Variants in PTPN5 observed in about 807,000 individuals in gnomAD.
The protein encoded by PTPN5 is protein tyrosine phosphatase non-receptor type 5.
Under a neutral mutation model 73.9 loss-of-function variants are expected in PTPN5, and 29 were observed. The ratio of observed to expected loss-of-function variants is 0.39; its 90% confidence interval spans 0.29 to 0.54. The LOEUF (loss-of-function observed/expected upper bound fraction) is 0.54. Ranked by LOEUF, PTPN5 falls within the 20% of genes least tolerant of loss-of-function variation. The pLI is 0.65. For synonymous variants in PTPN5, 267 were observed against 304.7 expected (o/e 0.88, Z 1.29); for missense variants, 652 against 751.4 (o/e 0.87, Z 1.55).
intron 3 of PTPN5, among the ~76,000 whole-genome samples, chr11:18,756,849 G>A (rs1361825177): frequency 3.3e-5 from 5 of 151,438 alleles, no homozygotes; most frequent in African/African-American, 4.8e-5. Flanking sequence ...GCTTAAACCC[G>A]GGAGGTGGAG....
rs1358725860 is a variant in PTPN5, at chr11:18,735,034, C to T, written c.1001-1399G>A. Among the ~76,000 whole-genome samples, 8 of 152,284 alleles carry T rather than the reference C, an allele frequency of 5.3e-5. No homozygotes were observed. In the East Asian group the frequency reaches 1.5e-3, roughly 29 times the overall value. ...ATCTGTAATCTGGGGATGGTCATTC[C>T]ACAATGACCTTGCTTATCTTGTAAA... On this transcript the variant is annotated intron_variant, in intron 9 of 14. Coordinates refer to ENST00000358540, the MANE Select transcript of PTPN5 (RefSeq NM_006906.2).
At chr11:18,780,686 A>G (rs185709615) in intron 1 of PTPN5, among the ~76,000 whole-genome samples, 72 of 152,260 alleles carry the variant, frequency 4.7e-4, no homozygotes, top group African/African-American at 1.7e-3. Context: ...GTAATGAGCC[A>G]CACCCTGTCC....
rs745568492 is a variant in PTPN5, at chr11:18,733,189, A to T, written c.1218+46T>A. 6.3e-7 allele frequency: 1 copy of T among 1,590,284 alleles called. No individual in the cohort carries two copies. The highest frequency in any genetic ancestry group is 8.6e-7 in the Non-Finnish European group (1 of 1,162,008). On this transcript the variant is annotated intron_variant, in intron 11 of 14. Transcript: ENST00000358540. This position sits in a 1 kb window ranked among gnomAD's most constrained non-coding sequence, Gnocchi z 4.3. ...AATTTGAGAACAAGATACTTAGTGT[A>T]GGGCGCAATGTAGCAGACACTTAGA... is the stretch of plus-strand genomic sequence containing the variant.
At chr11:18,767,031 C>G (rs1850674734) in intron 2 of PTPN5, among the ~76,000 whole-genome samples, 1 of 152,128 alleles carries the variant, frequency 6.6e-6, no homozygotes, top group African/African-American at 2.4e-5. Flanking sequence ...ATAAGATGGC[C>G]GTGGATCCTT....
intron 9 of PTPN5, among the ~76,000 whole-genome samples, chr11:18,737,247 C>G (rs962341944): frequency 3.5e-4 from 53 of 152,302 alleles, no homozygotes; most frequent in African/African-American, 1.2e-3. Context: ...ATCAGGTCAC[C>G]TGGTCTAACT....
At chr11:18,738,741 A>G (rs1849229780) in intron 8 of PTPN5, among the ~76,000 whole-genome samples, 1 of 152,064 alleles carries the variant, frequency 6.6e-6, no homozygotes, top group African/African-American at 2.4e-5. Context: ...TGGGAGGCCG[A>G]GGCAGGCGGA....
chr11:18,765,196 C>T (rs1850587539), intron 3 of PTPN5, among the ~76,000 whole-genome samples: 3 of 152,050 alleles, frequency 2.0e-5, no homozygotes, highest in South Asian at 4.1e-4. Flanking sequence ...AACTCTCCCC[C>T]CACCCCTTCT....
intron 1 of PTPN5, among the ~76,000 whole-genome samples, chr11:18,789,311 G>T (rs1033391007): frequency 1.3e-5 from 2 of 151,936 alleles, no homozygotes; most frequent in African/African-American, 4.8e-5. Context: ...ACATAAATAC[G>T]TGCTCCCACC....
intron 9 of PTPN5, among the ~76,000 whole-genome samples, chr11:18,736,035 TC>T (rs1235313888): frequency 1.3e-5 from 2 of 152,110 alleles, no homozygotes; most frequent in Non-Finnish European, 2.9e-5. Flanking sequence ...GTAAATTGTG[TC>T]CCCTGGAATT....
At chr11:18,786,732 C>T (rs1237763609) in intron 1 of PTPN5, among the ~76,000 whole-genome samples, 1 of 152,196 alleles carries the variant, frequency 6.6e-6, no homozygotes, top group Non-Finnish European at 1.5e-5. Context: ...GCCTGCATGT[C>T]ACCTAGCCCC....
intron 3 of PTPN5, among the ~76,000 whole-genome samples, chr11:18,757,135 G>A (rs1161404044): frequency 6.6e-6 from 1 of 152,020 alleles, no homozygotes; most frequent in Admixed American, 6.6e-5. Context: ...CCGACAATAA[G>A]AAACCATAAA....
chr11:18,746,192 T>TATAC (rs550537453), intron 3 of PTPN5, among the ~76,000 whole-genome samples: 3,099 of 102,684 alleles, frequency 0.03, 168 homozygotes, highest in East Asian at 0.094. Flanking sequence ...TATATATATA[T>TATAC]ACATTTTTTT....
rs573746663 is a variant in PTPN5, at chr11:18,774,434, G to A, written c.-113-2363C>T. 4.1e-4 allele frequency among the ~76,000 whole-genome samples: 62 copies of A among 152,338 alleles called. 1 individual carries two copies. The South Asian group carries it at 4.1e-3, about 10-fold the overall frequency. ...CCTCCCTCGCTGACAACAGAAAGGC[G>A]TTGCTGGGCCTGCAGGTGTCTGTGG... On this transcript the variant is annotated intron_variant, in intron 1 of 14. Transcript: ENST00000358540.
chr11:18,786,826 AT>A (rs1484657314), intron 1 of PTPN5, among the ~76,000 whole-genome samples: 2 of 152,198 alleles, frequency 1.3e-5, no homozygotes, highest in African/African-American at 2.4e-5. Flanking sequence ...TTATATGTCT[AT>A]AAATAATTTC....
intron 4 of PTPN5, 174 bp from the exon 5 acceptor site, chr11:18,743,603 G>A (rs1849476609): frequency 1.6e-6 from 1 of 622,676 alleles, no homozygotes; most frequent in Non-Finnish European, 2.8e-6. Flanking sequence ...GGAGGCCTCA[G>A]GACTCTCCTT....
At chr11:18,775,788 C>T (rs1288772181) in intron 1 of PTPN5, among the ~76,000 whole-genome samples, 1 of 152,192 alleles carries the variant, frequency 6.6e-6, no homozygotes, top group Admixed American at 6.5e-5. Flanking sequence ...CCTCTAAGGG[C>T]CTTTCCTTAG....
intron 1 of PTPN5, among the ~76,000 whole-genome samples, chr11:18,780,294 G>A (rs1185612783): frequency 6.6e-6 from 1 of 152,118 alleles, no homozygotes; most frequent in African/African-American, 2.4e-5. Context: ...GGAAAGGGCG[G>A]GTAAAAGAAC....
At chr11:18,764,800 C>A (rs1245451359) in intron 3 of PTPN5, among the ~76,000 whole-genome samples, 1 of 152,138 alleles carries the variant, frequency 6.6e-6, no homozygotes, top group African/African-American at 2.4e-5. Context: ...GCAAGCTCTG[C>A]CCTCTGGGTT....
rs562821377 is a variant in PTPN5, at chr11:18,776,957, T to C, written c.-113-4886A>G. On this transcript the variant is annotated intron_variant, in intron 1 of 14. Coordinates refer to ENST00000358540, the MANE Select transcript of PTPN5 (RefSeq NM_006906.2). ...TGGGCAGATCACCTGATGTAAGAAGTTTGAGACCAGCCTGACTAACATGGT... is the reference window on the plus strand; with the variant it reads ...TGGGCAGATCACCTGATGTAAGAAGCTTGAGACCAGCCTGACTAACATGGT... 3.3e-5 allele frequency among the ~76,000 whole-genome samples: 5 copies of C among 152,182 alleles called. No homozygotes were observed. In the East Asian group the frequency reaches 9.7e-4, roughly 29 times the overall value.
Sources: gnomAD v4.1 joint callset for allele counts (sites outside exome capture counted in the v4.1 genomes callset) on GRCh38, gnomAD v4.1.1 for gene constraint, Gnocchi (gnomAD v3.1) non-coding constraint, MANE v1.5 for transcripts, NCBI Gene and HGNC (gene_info 2026-07-23, HGNC 2026-07-21) for gene names.